SLC25A21: variants seen among roughly 807,000 people sequenced by gnomAD.
SLC25A21 encodes mitochondrial 2-oxodicarboxylate carrier.
In SLC25A21, 47 loss-of-function variants were observed where a neutral mutation model predicts 43.8. That is an observed-to-expected ratio of 1.07 (90% CI 0.85 to 1.37). SLC25A21 has a LOEUF of 1.37. SLC25A21 is among the 40% of genes most tolerant of loss of function. The pLI is 0.00. For missense variants in SLC25A21, 352 were observed against 350.2 expected (o/e 1.00, Z -0.04); for synonymous variants, 131 against 121.3 (o/e 1.08, Z -0.52).
intron 3 of SLC25A21, chr14:36,806,753 T>TTA (rs1888053743): frequency 6.6e-6 from 1 of 152,192 alleles, no homozygotes; most frequent in Admixed American, 6.5e-5. Flanking sequence ...TTGCTATAGT[T>TTA]TATTCTCCAA....
intron 1 of SLC25A21, among the ~76,000 whole-genome samples, chr14:36,891,110 A>C (rs532467826): frequency 6.6e-6 from 1 of 152,202 alleles, no homozygotes. Context: ...ACCTATTTTA[A>C]AGGACCTAAT....
At chr14:37,054,792 AAC>A (rs1405264216) in intron 1 of SLC25A21, among the ~76,000 whole-genome samples, 9 of 152,258 alleles carry the variant, frequency 5.9e-5, no homozygotes, top group Admixed American at 1.3e-4. Context: ...GTTTAAATAA[AAC>A]AATTTCTGAT....
chr14:36,977,971 A>C (rs930284178), intron 1 of SLC25A21, among the ~76,000 whole-genome samples: 1 of 150,848 alleles, frequency 6.6e-6, no homozygotes, highest in African/African-American at 2.5e-5. Context: ...AAAAAAAGAC[A>C]ATTAGTTTGA....
chr14:37,015,305 C>T (rs1960827639), intron 1 of SLC25A21, among the ~76,000 whole-genome samples: 1 of 148,324 alleles, frequency 6.7e-6, no homozygotes, highest in Non-Finnish European at 1.5e-5. Flanking sequence ...GGTTTTTTGT[C>T]CTTGTGATAG....
intron 3 of SLC25A21, among the ~76,000 whole-genome samples, chr14:36,745,827 C>A (rs1885473559): frequency 6.6e-6 from 1 of 152,090 alleles, no homozygotes; most frequent in Admixed American, 6.5e-5. Context: ...AGAAGACATA[C>A]ACGTGGCCAT....
At chr14:37,130,768 C>G (rs978247494) in intron 1 of SLC25A21, among the ~76,000 whole-genome samples, 1 of 152,156 alleles carries the variant, frequency 6.6e-6, no homozygotes. Context: ...GTTTATGGAG[C>G]ACATACTCTT....
intron 1 of SLC25A21, among the ~76,000 whole-genome samples, chr14:37,161,992 A>G (rs7151519): frequency 0.38 from 54,866 of 144,324 alleles, 11,443 homozygotes; most frequent in African/African-American, 0.53. Flanking sequence ...AAGAAATCTA[A>G]TATTAAAAAA....
chr14:36,922,750 C>T (rs868624532), intron 1 of SLC25A21, among the ~76,000 whole-genome samples: 1 of 152,076 alleles, frequency 6.6e-6, no homozygotes, highest in African/African-American at 2.4e-5. Context: ...ACATTTGTCA[C>T]AGGTTCAAAC....
intron 1 of SLC25A21, among the ~76,000 whole-genome samples, chr14:37,049,959 G>C (rs1961670282): frequency 6.6e-6 from 1 of 152,170 alleles, no homozygotes; most frequent in Non-Finnish European, 1.5e-5. Flanking sequence ...GGACAGTACA[G>C]CTATAGACTG....
At chr14:37,037,534 T>C (rs149038872) in intron 1 of SLC25A21, among the ~76,000 whole-genome samples, 2,003 of 152,202 alleles carry the variant, frequency 0.013, 24 homozygotes, top group Non-Finnish European at 0.022. Context: ...TCCTGTTTTC[T>C]CTCTCTCTTT....
intron 1 of SLC25A21, among the ~76,000 whole-genome samples, chr14:37,152,714 A>C (rs1312832994): frequency 6.6e-6 from 1 of 152,216 alleles, no homozygotes; most frequent in Non-Finnish European, 1.5e-5. Flanking sequence ...AAAAAAACTA[A>C]ATAAAATGAA....
chr14:37,069,048 G>A (rs1221124506), intron 1 of SLC25A21, among the ~76,000 whole-genome samples: 1 of 152,012 alleles, frequency 6.6e-6, no homozygotes, highest in Non-Finnish European at 1.5e-5. Flanking sequence ...ATGGTGGCAG[G>A]AGCCTGTAGT....
Position 36,684,892 on chromosome 14 carries a change from T to A in SLC25A21, c.637A>T (p.Ile213Phe). ...GCTATTGTCCCCGAGAGAAGACCAA[T>A]CCCAAATTTTCTCCAAAACTCCAAG... Reference protein sequence around the residue: ...PILEFWRKFGIGLLSGTIASV... With the variant: ...PILEFWRKFGFGLLSGTIASV... The change falls in exon 8 of 10, where the codon ATT (isoleucine) becomes TTT (phenylalanine). Residue 213 changes from isoleucine to phenylalanine, a missense_variant. Coordinates refer to ENST00000331299, the MANE Select transcript of SLC25A21 (RefSeq NM_030631.4). 2.5e-6 allele frequency: 4 copies of A among 1,609,432 alleles called. No homozygotes were observed. The highest frequency in any genetic ancestry group is 2.2e-5 in the East Asian group (1 of 44,824).
At chr14:36,835,711 G>T (rs576853018) in intron 2 of SLC25A21, among the ~76,000 whole-genome samples, 3 of 152,310 alleles carry the variant, frequency 2.0e-5, no homozygotes, top group South Asian at 4.1e-4. Flanking sequence ...TGTTCAGAGA[G>T]ATTTCTTATA....
intron 1 of SLC25A21, among the ~76,000 whole-genome samples, chr14:36,968,185 T>C (rs914544387): frequency 5.3e-5 from 8 of 152,208 alleles, no homozygotes; most frequent in African/African-American, 1.9e-4. Flanking sequence ...GTGAAAATGT[T>C]TCTGAAAGCG....
intron 3 of SLC25A21, among the ~76,000 whole-genome samples, chr14:36,759,443 T>C (rs143880117): frequency 1.3e-3 from 193 of 152,346 alleles, no homozygotes; most frequent in African/African-American, 4.5e-3. Context: ...GAAATGCTTA[T>C]TCTTTTCTTC....
chr14:37,030,620 G>A (rs536021830), intron 1 of SLC25A21, among the ~76,000 whole-genome samples: 10 of 152,124 alleles, frequency 6.6e-5, no homozygotes, highest in East Asian at 5.8e-4. Flanking sequence ...CAGAATTCCC[G>A]GGACGAATCT....
intron 1 of SLC25A21, among the ~76,000 whole-genome samples, chr14:36,925,383 A>T (rs1892102851): frequency 6.6e-6 from 1 of 152,220 alleles, no homozygotes; most frequent in Non-Finnish European, 1.5e-5. Context: ...AAAAGAACAA[A>T]AAAGATATAT....
chr14:37,142,412 G>T (rs1963585953), intron 1 of SLC25A21, among the ~76,000 whole-genome samples: 1 of 152,202 alleles, frequency 6.6e-6, no homozygotes, highest in Non-Finnish European at 1.5e-5. Flanking sequence ...CCAGGCTGGA[G>T]TACAGTGGCT....
Sources: allele counts gnomAD v4.1 joint callset (sites outside exome capture counted in the v4.1 genomes callset), GRCh38; gene constraint gnomAD v4.1.1; transcripts MANE v1.5; gene names NCBI Gene and HGNC (gene_info 2026-07-23, HGNC 2026-07-21).